ACTR3C: variants seen among roughly 807,000 people sequenced by gnomAD.
ACTR3C encodes the protein actin related protein 3C, also known as actin-related protein 3C.
In ACTR3C, 18 loss-of-function variants were observed where a neutral mutation model predicts 26.3. That is an observed-to-expected ratio of 0.68 (90% CI 0.47 to 1.01). ACTR3C has a LOEUF of 1.01. Ranked by LOEUF, ACTR3C falls within the 50% of genes least tolerant of loss-of-function variation. The pLI, the probability that ACTR3C is intolerant of heterozygous loss-of-function variation, is 0.00. For synonymous variants in ACTR3C, 55 were observed against 94.5 expected, an observed-to-expected ratio of 0.58 and a Z score of 2.42; for missense variants, 184 against 250.7, an observed-to-expected ratio of 0.73 and a Z score of 1.80.
chr7:149,996,675 C>T, the ACTR3C span, among the ~76,000 whole-genome samples: 1 of 151,302 alleles, frequency 6.6e-6, no homozygotes, highest in Non-Finnish European at 1.5e-5. Context: ...TTTCTGTGAA[C>T]TCCAGATTCA....
rs141972593 is a variant in ACTR3C at position 150,306,114 on chromosome 7, T to G, written c.-51-10767A>C. On this transcript the variant is annotated intron_variant, in intron 1 of 7. Transcript: ENST00000683684. The stretch of plus-strand genomic sequence containing the variant: ...CGATATTTTCTTATCTTTTTAATAA[T>G]AAACTTGATTGTTTTTGAACATTCA... 7.2e-3 allele frequency among the ~76,000 whole-genome samples: 1,100 copies of G among 152,378 alleles called. 20 individuals carry two copies. The highest frequency in any genetic ancestry group is 0.024 in the African/African-American group (1,012 of 41,586).
the ACTR3C span, among the ~76,000 whole-genome samples, chr7:149,922,862 A>G: frequency 2.6e-5 from 4 of 151,810 alleles, no homozygotes; most frequent in Non-Finnish European, 1.5e-5. Context: ...GAGTATAGTA[A>G]TTTATGGCTC....
the ACTR3C span, among the ~76,000 whole-genome samples, chr7:150,142,699 T>C: frequency 6.6e-6 from 1 of 150,774 alleles, no homozygotes; most frequent in Non-Finnish European, 1.5e-5. Context: ...CAGCTAAGTT[T>C]TGTATTTTTA....
chr7:149,977,695 C>A, the ACTR3C span, among the ~76,000 whole-genome samples: 1 of 152,144 alleles, frequency 6.6e-6, no homozygotes, highest in Non-Finnish European at 1.5e-5. Context: ...GAAAGAGATT[C>A]TGAGAAACTC....
At chr7:150,070,296 C>T in the ACTR3C span, among the ~76,000 whole-genome samples, 16 of 152,160 alleles carry the variant, frequency 1.1e-4, no homozygotes, top group Non-Finnish European at 1.9e-4. Context: ...CCTCACCACC[C>T]GACAGAAGCC....
Position 150,299,182 on chromosome 7 carries a change from G to A in ACTR3C, c.-51-3835C>T, listed in dbSNP as rs545235473. ...ATTTTTAGTAGAGACAGGGTTTCAC[G>A]ATGTTGGCCAGGCTGGTCTCGAGCT... On this transcript the variant is annotated intron_variant, in intron 1 of 7. Coordinates refer to ENST00000683684, the MANE Select transcript of ACTR3C (RefSeq NM_001164458.2). 8.6e-5 allele frequency among the ~76,000 whole-genome samples: 13 copies of A among 151,420 alleles called. No individual in the cohort carries two copies. The East Asian group carries it at 2.1e-3, about 25-fold the overall frequency.
the ACTR3C span, among the ~76,000 whole-genome samples, chr7:150,055,147 C>T: frequency 2.0e-5 from 3 of 152,226 alleles, no homozygotes; most frequent in Non-Finnish European, 2.9e-5. Flanking sequence ...AGAGTTGTTT[C>T]TGGACCAACA....
the ACTR3C span, among the ~76,000 whole-genome samples, chr7:149,908,245 T>C: frequency 6.6e-6 from 1 of 152,170 alleles, no homozygotes; most frequent in Non-Finnish European, 1.5e-5. Flanking sequence ...ACCTCCAGAC[T>C]ATGATAACAT....
At chr7:150,087,880 C>T in the ACTR3C span, among the ~76,000 whole-genome samples, 13 of 152,128 alleles carry the variant, frequency 8.5e-5, no homozygotes, top group African/African-American at 2.9e-4. Flanking sequence ...AAGGAAACTG[C>T]CAATAACTAG....
At chr7:150,008,800 G>A in the ACTR3C span, among the ~76,000 whole-genome samples, 1 of 151,210 alleles carries the variant, frequency 6.6e-6, no homozygotes, top group Non-Finnish European at 1.5e-5. Flanking sequence ...CTTCCAAACA[G>A]GGTTTAGATG....
At chr7:149,993,215 C>T in the ACTR3C span, among the ~76,000 whole-genome samples, 1 of 147,680 alleles carries the variant, frequency 6.8e-6, no homozygotes, top group African/African-American at 2.5e-5. Context: ...CACCGACACA[C>T]CCAGAAATCA....
chr7:150,005,986 GC>G, the ACTR3C span, among the ~76,000 whole-genome samples: 1 of 152,090 alleles, frequency 6.6e-6, no homozygotes, highest in South Asian at 2.1e-4. Flanking sequence ...AAATACGTAA[GC>G]CCTTGGCTGC....
At chr7:149,953,379 G>A in the ACTR3C span, among the ~76,000 whole-genome samples, 9 of 149,722 alleles carry the variant, frequency 6.0e-5, no homozygotes, top group African/African-American at 2.3e-4. Flanking sequence ...TTGTTTACCT[G>A]TAATTTACAT....
the ACTR3C span, among the ~76,000 whole-genome samples, chr7:149,907,478 T>TTCTCTTCTCTTCTCTCTCTC: frequency 2.8e-4 from 27 of 97,688 alleles, no homozygotes; most frequent in South Asian, 2.8e-3. Flanking sequence ...CTCTCTTCTC[T>TTCTCTTCTCTTCTCTCTCTC]TCTCTCTCTC....
At chr7:150,250,397 G>C (rs1048470042) in intron 6 of ACTR3C, among the ~76,000 whole-genome samples, 17 of 151,566 alleles carry the variant, frequency 1.1e-4, no homozygotes, top group African/African-American at 3.7e-4. Flanking sequence ...TAGAGACGGG[G>C]TTTCACCGTG....
At chr7:149,931,273 C>T in the ACTR3C span, among the ~76,000 whole-genome samples, 5 of 152,204 alleles carry the variant, frequency 3.3e-5, no homozygotes, top group East Asian at 3.8e-4. Flanking sequence ...AAAAGTTCTT[C>T]GGGGGAGGAT....
the ACTR3C span, among the ~76,000 whole-genome samples, chr7:149,918,037 T>C: frequency 6.6e-6 from 1 of 152,222 alleles, no homozygotes; most frequent in Non-Finnish European, 1.5e-5. Flanking sequence ...TTAATGTTCC[T>C]TGGCTTGCTG....
chr7:150,226,274 A>G, the ACTR3C span, among the ~76,000 whole-genome samples: 1 of 151,758 alleles, frequency 6.6e-6, no homozygotes, highest in Non-Finnish European at 1.5e-5. Context: ...AAACCATTAA[A>G]CTGCCTTCCA....
the ACTR3C span, among the ~76,000 whole-genome samples, chr7:149,969,363 C>A: frequency 0.06 from 8,999 of 150,534 alleles, 804 homozygotes; most frequent in African/African-American, 0.19. Context: ...ACTCCCCCAG[C>A]ATGACCAGAA....
Sources: gnomAD v4.1 joint callset for allele counts (sites outside exome capture counted in the v4.1 genomes callset) on GRCh38, gnomAD v4.1.1 for gene constraint, MANE v1.5 for transcripts, NCBI Gene and HGNC (gene_info 2026-07-23, HGNC 2026-07-21) for gene names.